The following VPS4A variants were observed in gnomAD, a reference collection of about 807,000 sequenced individuals.
The protein encoded by VPS4A is vacuolar protein sorting 4 homolog A, also known as vacuolar protein sorting-associated protein 4A.
In VPS4A, 20 loss-of-function variants were observed where a neutral mutation model predicts 52.3. That is an observed-to-expected ratio of 0.38 (90% CI 0.27 to 0.56). VPS4A has a LOEUF of 0.56. Ranked by LOEUF, VPS4A falls within the 20% of genes least tolerant of loss-of-function variation. The pLI is 0.72. For synonymous variants in VPS4A, 293 were observed against 227.7 expected, an observed-to-expected ratio of 1.29 and a Z score of -2.58; for missense variants, 419 against 575.9, an observed-to-expected ratio of 0.73 and a Z score of 2.79.
At chr16:69,323,503 G>T in intron 10 of VPS4A, 1 of 368,132 alleles carries the variant, frequency 2.7e-6, no homozygotes, top group South Asian at 2.0e-5. Context: ...ATAATATGAC[G>T]TCAATCCATG....
rs1246840387 is a variant in VPS4A, at chr16:69,326,517, A to T, written c.*2208A>T. On this transcript the variant is annotated 3_prime_UTR_variant, in exon 11 of 11. Transcript: ENST00000254950. ...TCATTCCTACTGCTTAAACACCTTGACAAGTCCTAGGGGTTAACAAAGGTT... is the reference window on the plus strand; with the variant it reads ...TCATTCCTACTGCTTAAACACCTTGTCAAGTCCTAGGGGTTAACAAAGGTT... 6.6e-6 allele frequency: 1 copy of T among 152,248 alleles called. No individual in the cohort carries two copies. The highest frequency in any genetic ancestry group is 6.5e-5 in the Admixed American group (1 of 15,282). The allele number at this position is 152,248 out of a possible 1,614,324, so 9.4% of individuals were successfully genotyped here. A position where few individuals can be genotyped will look rare whatever the true frequency, so the allele number is the denominator to read the frequency against.
intron 9 of VPS4A, chr16:69,322,303 T>A (rs978313767): frequency 2.8e-5 from 10 of 354,046 alleles, no homozygotes; most frequent in Non-Finnish European, 4.6e-5. Flanking sequence ...TATCACACTT[T>A]TAATGTCACT....
chr16:69,313,169 GAC>G (rs1965398236), intron 1 of VPS4A, among the ~76,000 whole-genome samples: 1 of 151,692 alleles, frequency 6.6e-6, no homozygotes, highest in Non-Finnish European at 1.5e-5. Context: ...TTTTAGTAGA[GAC>G]GGGGTTTCAC....
intron 1 of VPS4A, among the ~76,000 whole-genome samples, chr16:69,312,467 G>A (rs1197905093): frequency 6.6e-6 from 1 of 152,020 alleles, no homozygotes; most frequent in East Asian, 1.9e-4. Context: ...GGGGTACCAG[G>A]TTAGGAATTA....
chr16:69,318,499 C>G, intron 3 of VPS4A, 151 bp from the exon 4 acceptor site: 2 of 805,250 alleles, frequency 2.5e-6, no homozygotes, highest in Non-Finnish European at 4.0e-6. Context: ...CCAAATGTCC[C>G]TGAAGTACTT....
intron 1 of VPS4A, among the ~76,000 whole-genome samples, chr16:69,315,314 G>A (rs1965422836): frequency 6.6e-6 from 1 of 152,212 alleles, no homozygotes; most frequent in South Asian, 2.1e-4. Flanking sequence ...CTCTTAGAAG[G>A]TTCCAGAGGG....
chr16:69,320,005 C>T lies in VPS4A; in HGVS notation c.621-136C>T, dbSNP rs1296653566. 8 of 1,240,176 alleles carry T rather than the reference C, an allele frequency of 6.5e-6. No homozygotes were observed. The highest frequency in any genetic ancestry group is 8.8e-6 in the Non-Finnish European group (8 of 906,206). The allele number at this position is 1,240,176 out of a possible 1,614,324, so 76.8% of individuals were successfully genotyped here. A position where few individuals can be genotyped will look rare whatever the true frequency, so the allele number is the denominator to read the frequency against. On this transcript the variant is annotated intron_variant, in intron 6 of 10. Transcript: ENST00000254950. The surrounding 1 kb of genome is among the most constrained non-coding windows in gnomAD (Gnocchi z 4.2). Reference sequence around the variant, plus strand: ...GCAGTGTGGCCCGAGGGCTCCTCACCACCACGTTTTCCGCAATTCCGGCAT... The same window carrying T: ...GCAGTGTGGCCCGAGGGCTCCTCACTACCACGTTTTCCGCAATTCCGGCAT...
In VPS4A at chr16:69,320,562, C is replaced by A; in HGVS notation, c.770-126C>A. 1.1e-6 allele frequency: 1 copy of A among 891,066 alleles called. No homozygotes were observed. The allele number at this position is 891,066 out of a possible 1,614,324, so 55.2% of individuals were successfully genotyped here. A position where few individuals can be genotyped will look rare whatever the true frequency, so the allele number is the denominator to read the frequency against. ...TGGTTTAATCTCACTTGGGACCCTGCCAGTGGTGGGTGGCACAGGGATGGC... is the reference window on the plus strand; with the variant it reads ...TGGTTTAATCTCACTTGGGACCCTGACAGTGGTGGGTGGCACAGGGATGGC... On this transcript the variant is annotated intron_variant, in intron 7 of 10. Coordinates refer to ENST00000254950, the MANE Select transcript of VPS4A (RefSeq NM_013245.3). The surrounding 1 kb of genome is among the most constrained non-coding windows in gnomAD (Gnocchi z 4.2).
Position 69,320,059 on chromosome 16 carries a change from G to A in VPS4A, c.621-82G>A. On this transcript the variant is annotated intron_variant, in intron 6 of 10. Transcript: ENST00000254950. This position sits in a 1 kb window ranked among gnomAD's most constrained non-coding sequence, Gnocchi z 4.2. Reference sequence around the variant, plus strand: ...CGTGGCCTGCGCCTCCCTGTGGGAAGGGTGAGAAGAGGGAAGTGCCGGGAG... The same window carrying A: ...CGTGGCCTGCGCCTCCCTGTGGGAAAGGTGAGAAGAGGGAAGTGCCGGGAG... 2.7e-6 allele frequency: 4 copies of A among 1,500,562 alleles called. No individual in the cohort carries two copies. The highest frequency in any genetic ancestry group is 3.6e-6 in the Non-Finnish European group (4 of 1,114,154). The allele number at this position is 1,500,562 out of a possible 1,614,324, so 93.0% of individuals were successfully genotyped here.
In VPS4A at chr16:69,320,989, C is replaced by G. The variant is rs1965502651; in HGVS notation, c.852-62C>G. ...CGTTTCACTCAAATCTTCGTGCCTC[C>G]CCTTCCGTGAATACCATTCCATCAT... On this transcript the variant is annotated intron_variant, in intron 8 of 10. Coordinates refer to ENST00000254950, the MANE Select transcript of VPS4A (RefSeq NM_013245.3). This position sits in a 1 kb window ranked among gnomAD's most constrained non-coding sequence, Gnocchi z 4.2. 3.4e-6 allele frequency: 5 copies of G among 1,491,438 alleles called. No homozygotes were observed. Among genetic ancestry groups the G allele is most frequent in the Non-Finnish European group, 4.6e-6 (5 of 1,093,878 alleles). 92.4% of individuals were successfully genotyped at this position (1,491,438 alleles called of 1,614,324 possible). A position where few individuals can be genotyped will look rare whatever the true frequency, so the allele number is the denominator to read the frequency against.
At position 69,320,583 on chromosome 16, in the gene VPS4A, A is replaced by G; in HGVS notation, c.770-105A>G. The G allele has an allele frequency of 2.0e-6, 2 of 1,004,878 alleles. No individual in the cohort carries two copies. Among genetic ancestry groups the G allele is most frequent in the Non-Finnish European group, 3.0e-6 (2 of 674,530 alleles). 62.2% of individuals were successfully genotyped at this position (1,004,878 alleles called of 1,614,324 possible). On this transcript the variant is annotated intron_variant, in intron 7 of 10. Coordinates refer to ENST00000254950, the MANE Select transcript of VPS4A (RefSeq NM_013245.3). The surrounding 1 kb of genome is among the most constrained non-coding windows in gnomAD (Gnocchi z 4.2). ...CCTGCCAGTGGTGGGTGGCACAGGG[A>G]TGGCTTCAATTGCTGACACACAAAG... is the stretch of plus-strand genomic sequence containing the variant.
chr16:69,314,530 G>C (rs1242363509), intron 1 of VPS4A, among the ~76,000 whole-genome samples: 1 of 152,102 alleles, frequency 6.6e-6, no homozygotes, highest in Non-Finnish European at 1.5e-5. Context: ...CTGTGCCTAA[G>C]CTCATTTCCA....
intron 10 of VPS4A, chr16:69,323,410 A>T (rs1352223302): frequency 3.5e-6 from 1 of 282,278 alleles, no homozygotes; most frequent in East Asian, 1.1e-4. Flanking sequence ...GTGGCCTCCC[A>T]AAGTGCTGGG....
intron 1 of VPS4A, among the ~76,000 whole-genome samples, chr16:69,314,080 C>T (rs1261518636): frequency 6.7e-6 from 1 of 150,020 alleles, no homozygotes; most frequent in Non-Finnish European, 1.5e-5. Flanking sequence ...ATTCTCCTGC[C>T]TCAGCCTCCC....
chr16:69,320,389 G>GAGGCT lies in VPS4A; in HGVS notation c.769+100_769+101insAGGCT. 1 of 1,508,148 alleles carries GAGGCT rather than the reference G, an allele frequency of 6.6e-7. No homozygotes were observed. The highest frequency in any genetic ancestry group is 2.3e-5 in the East Asian group (1 of 43,554). 93.4% of individuals were successfully genotyped at this position (1,508,148 alleles called of 1,614,324 possible). On this transcript the variant is annotated intron_variant, in intron 7 of 10. Transcript: ENST00000254950. The surrounding 1 kb of genome is among the most constrained non-coding windows in gnomAD (Gnocchi z 4.2). ...GCTGGATTTGGTTGTTCTCAGCCTC[G>GAGGCT]GAGAGGCACTCCCCAGCTCCAGCCC... is the stretch of plus-strand genomic sequence containing the variant.
chr16:69,317,610 G>A (rs1042616213), intron 3 of VPS4A, among the ~76,000 whole-genome samples: 4 of 152,146 alleles, frequency 2.6e-5, no homozygotes, highest in East Asian at 1.9e-4. Context: ...TGGCTAACAC[G>A]GTGAAACCCC....
chr16:69,323,065 C>T (rs976095817), intron 10 of VPS4A: 2 of 163,568 alleles, frequency 1.2e-5, no homozygotes, highest in Non-Finnish European at 2.7e-5. Flanking sequence ...GAGACTCCGT[C>T]TCAAAAATAA....
rs781513346 is a variant in VPS4A, at chr16:69,316,220, C to T, written c.134-5C>T. Reference sequence around the variant, plus strand: ...ACAGGGGCCCCTCTGTGTTCCCTTTCACAGATGAGGCCCACAGCGACAAGG... The same window carrying T: ...ACAGGGGCCCCTCTGTGTTCCCTTTTACAGATGAGGCCCACAGCGACAAGG... On this transcript the variant is annotated splice_region_variant and splice_polypyrimidine_tract_variant and intron_variant, in intron 2 of 10. Coordinates refer to ENST00000254950, the MANE Select transcript of VPS4A (RefSeq NM_013245.3). The T allele has an allele frequency of 6.2e-7, 1 of 1,613,378 alleles. No individual in the cohort carries two copies. The highest frequency in any genetic ancestry group is 1.1e-5 in the South Asian group (1 of 91,070).
Position 69,320,035 on chromosome 16 carries a change from G to A in VPS4A, c.621-106G>A, listed in dbSNP as rs989024542. 40 of 1,428,610 alleles carry A rather than the reference G, an allele frequency of 2.8e-5. No individual in the cohort carries two copies. Among genetic ancestry groups the A allele is most frequent in the African/African-American group, 7.1e-5 (5 of 70,256 alleles). 88.5% of individuals were successfully genotyped at this position (1,428,610 alleles called of 1,614,324 possible). The stretch of plus-strand genomic sequence containing the variant: ...CGTTTTCCGCAATTCCGGCATGACC[G>A]TGGCCTGCGCCTCCCTGTGGGAAGG... On this transcript the variant is annotated intron_variant, in intron 6 of 10. Transcript: ENST00000254950. The surrounding 1 kb of genome is among the most constrained non-coding windows in gnomAD (Gnocchi z 4.2).
Sources: gnomAD v4.1 joint callset for allele counts (sites outside exome capture counted in the v4.1 genomes callset) on GRCh38, gnomAD v4.1.1 for gene constraint, Gnocchi (gnomAD v3.1) non-coding constraint, MANE v1.5 for transcripts, NCBI Gene and HGNC (gene_info 2026-07-23, HGNC 2026-07-21) for gene names.